RINT1: variants seen among roughly 807,000 people sequenced by gnomAD.
RINT1 encodes the protein RAD50 interactor 1.
Under a neutral mutation model 97.7 loss-of-function variants are expected in RINT1, and 75 were observed. The ratio of observed to expected loss-of-function variants is 0.77; its 90% CI spans 0.64 to 0.93. The LOEUF (loss-of-function observed/expected upper bound fraction) is 0.93. RINT1 is among the 40% of genes least tolerant of loss of function. The probability of loss-of-function intolerance (pLI) is 0.00; values close to 1 mark genes in which losing one functional copy is unlikely to be tolerated. For missense variants in RINT1, 892 were observed against 925.2 expected (o/e 0.96, Z 0.47); for synonymous variants, 303 against 326.3 (o/e 0.93, Z 0.77).
intron 3 of RINT1, among the ~76,000 whole-genome samples, chr7:105,539,179 A>AT (rs1790361563): frequency 6.6e-6 from 1 of 151,972 alleles, no homozygotes; most frequent in South Asian, 2.1e-4. Flanking sequence ...ATACTGATCC[A>AT]TTTTTTAGAG....
In RINT1 at chr7:105,536,695, A is replaced by G. The variant is rs987417898; in HGVS notation, c.219A>G (p.Lys73=). ...GAAATGACCTTAAATCTTTAAAGAA[A>G]CTTGATAAACTCATAGAACAGAGGA... The part of the protein sequence containing the change: ...EVGNDLKSLK[K]LDKLIEQRTV... Residue 73 remains lysine (K), a synonymous_variant, in exon 3 of 15, where the codon AAA becomes AAG. Transcript: ENST00000257700. 3 of 1,612,554 alleles carry G rather than the reference A, an allele frequency of 1.9e-6. No homozygotes were observed. The highest frequency in any genetic ancestry group is 2.7e-5 in the African/African-American group (2 of 74,890).
chr7:105,550,418 T>C lies in RINT1; in HGVS notation c.1265T>C (p.Phe422Ser), dbSNP rs367670078. The change falls in exon 9 of 15, where the codon TTT becomes TCT. Residue 422 changes from phenylalanine (F) to serine (S), a missense_variant. By Grantham distance (155) the Phe-to-Ser change is radical. Coordinates refer to ENST00000257700, the MANE Select transcript of RINT1 (RefSeq NM_021930.6). ...LHSVHGYPGT[F>S]ASCMHILSEE... ...AGTGTTCATGGCTATCCTGGCACTT[T>C]TGCTAGTTGTATGCATATTCTATCA... The C allele has an allele frequency of 7.4e-6, 12 of 1,614,088 alleles. No homozygotes were observed. The highest frequency in any genetic ancestry group is 1.0e-5 in the Non-Finnish European group (12 of 1,180,028).
intron 14 of RINT1, among the ~76,000 whole-genome samples, chr7:105,565,995 C>A (rs993512657): frequency 6.6e-6 from 1 of 152,112 alleles, no homozygotes; most frequent in Non-Finnish European, 1.5e-5. Flanking sequence ...CAGGGCCGGG[C>A]GTGGTGGCTC....
intron 2 of RINT1, chr7:105,535,614 G>A (rs1379028808): frequency 1.5e-5 from 7 of 453,962 alleles, no homozygotes; most frequent in Non-Finnish European, 3.1e-5. Context: ...ATGTAGTAGT[G>A]AGATCATGGC....
chr7:105,532,384 G>T lies in RINT1; in HGVS notation c.42+27G>T, dbSNP rs560694228. 9 of 1,594,340 alleles carry T rather than the reference G, an allele frequency of 5.6e-6. No individual in the cohort carries two copies. The African/African-American group carries it at 9.4e-5, about 17-fold the overall frequency. ...TGAGACGGCCCTGGCGTCCCTGGGAGGGGACATTGGTGGCCCATTGAGGTG... is the reference window on the plus strand; with the variant it reads ...TGAGACGGCCCTGGCGTCCCTGGGATGGGACATTGGTGGCCCATTGAGGTG... On this transcript the variant is annotated intron_variant, in intron 1 of 14. Transcript: ENST00000257700.
Position 105,567,222 on chromosome 7 carries a change from T to G in RINT1, c.2290T>G (p.Leu764Val). The part of the protein sequence containing the change: ...ASGQLPATAA[L>V]NEVGIYKLAQ... ...AGGGCAGCTTCCTGCCACAGCAGCA[T>G]TAAATGAAGTTGGAATTTACAAACT... Residue 764 changes from leucine (L) to valine (V), a missense_variant, in exon 15 of 15, where the codon TTA (leucine) becomes GTA (valine). Leu to Val is a conservative substitution (Grantham distance 32). Coordinates refer to ENST00000257700, the MANE Select transcript of RINT1 (RefSeq NM_021930.6). 2 of 1,613,542 alleles carry G rather than the reference T, an allele frequency of 1.2e-6. No homozygotes were observed. The highest frequency in any genetic ancestry group is 1.7e-6 in the Non-Finnish European group (2 of 1,179,818).
chr7:105,549,798 A>G (rs1790849517), intron 7 of RINT1, among the ~76,000 whole-genome samples: 1 of 152,178 alleles, frequency 6.6e-6, no homozygotes, highest in Non-Finnish European at 1.5e-5. Context: ...TAGGTTTTAA[A>G]TATATATGGC....
intron 2 of RINT1, among the ~76,000 whole-genome samples, chr7:105,536,271 G>T (rs796776494): frequency 1.2e-4 from 18 of 152,242 alleles, no homozygotes; most frequent in African/African-American, 4.3e-4. Flanking sequence ...GGATTCTCGT[G>T]CCTCAGCCTC....
intron 10 of RINT1, among the ~76,000 whole-genome samples, chr7:105,554,199 AT>A (rs1207595534): frequency 1.3e-5 from 2 of 151,598 alleles, no homozygotes; most frequent in African/African-American, 4.8e-5. Flanking sequence ...TGCCCGGCGA[AT>A]TTTTTTGTAT....
At chr7:105,556,241 T>A (rs1791177858) in intron 11 of RINT1, among the ~76,000 whole-genome samples, 1 of 151,826 alleles carries the variant, frequency 6.6e-6, no homozygotes, top group Admixed American at 6.6e-5. Flanking sequence ...TAATTTTTTT[T>A]TTAGTAGTAG....
Position 105,567,273 on chromosome 7 carries a change from C to G in RINT1, c.2341C>G (p.Leu781Val). 1 of 1,608,972 alleles carries G rather than the reference C, an allele frequency of 6.2e-7. No individual in the cohort carries two copies. The highest frequency in any genetic ancestry group is 8.5e-7 in the Non-Finnish European group (1 of 1,178,590). ...GGCTCAACAAGATGTTGAGATTCTACTTAATTTGAGGACAAATTGGCCTAA... is the reference window on the plus strand; with the variant it reads ...GGCTCAACAAGATGTTGAGATTCTAGTTAATTTGAGGACAAATTGGCCTAA... ...KLAQQDVEILLNLRTNWPNTG... is the reference protein window; with the variant it reads ...KLAQQDVEILVNLRTNWPNTG... Residue 781 changes from leucine (L) to valine (V), a missense_variant, in exon 15 of 15, where the codon CTT becomes GTT. By Grantham distance (32) the Leu-to-Val change is conservative. Transcript: ENST00000257700.
intron 4 of RINT1, among the ~76,000 whole-genome samples, chr7:105,545,141 TTTCA>T (rs1329488317): frequency 6.6e-6 from 1 of 152,110 alleles, no homozygotes; most frequent in Non-Finnish European, 1.5e-5. Flanking sequence ...AGGAAATCTA[TTTCA>T]TTCCTTCCTT....
intron 11 of RINT1, 35 bp from the exon 12 acceptor site, chr7:105,563,698 A>AG (rs1554367070): frequency 6.6e-7 from 1 of 1,512,198 alleles, no homozygotes; most frequent in South Asian, 1.1e-5. Flanking sequence ...TTAAAAAAAA[A>AG]GTATGCTAAT....
Position 105,567,369 on chromosome 7 carries a change from G to C in RINT1, c.*58G>C, listed in dbSNP as rs1252104534. 7 of 1,167,288 alleles carry C rather than the reference G, an allele frequency of 6.0e-6. No homozygotes were observed. The highest frequency in any genetic ancestry group is 8.7e-6 in the Non-Finnish European group (7 of 800,148). The allele number at this position is 1,167,288 out of a possible 1,614,324, so 72.3% of individuals were successfully genotyped here. On this transcript the variant is annotated 3_prime_UTR_variant, in exon 15 of 15. Coordinates refer to ENST00000257700, the MANE Select transcript of RINT1 (RefSeq NM_021930.6). ...TTTCTAAGAAAGAGGAAGCCAATTG[G>C]ATTTCAAGTTATATGATGAAATTCT...
At chr7:105,540,744 G>A (rs1174923784) in intron 3 of RINT1, among the ~76,000 whole-genome samples, 1 of 151,670 alleles carries the variant, frequency 6.6e-6, no homozygotes, top group African/African-American at 2.4e-5. Flanking sequence ...ATCTCATCAA[G>A]TCAGTGCTTC....
intron 1 of RINT1, 67 bp downstream of exon 1, chr7:105,532,424 G>A (rs1201166976): frequency 1.3e-6 from 2 of 1,518,782 alleles, no homozygotes; most frequent in African/African-American, 1.4e-5. Context: ...AGACCTCCCG[G>A]GGGAGATAGT....
chr7:105,540,838 C>CT (rs56336226), intron 3 of RINT1, among the ~76,000 whole-genome samples: 25,769 of 134,200 alleles, frequency 0.19, 2,783 homozygotes, highest in South Asian at 0.25. Flanking sequence ...TCTTTGTTTC[C>CT]TTTTTTTTTT....
At chr7:105,553,392 AT>A (rs1393773239) in intron 10 of RINT1, among the ~76,000 whole-genome samples, 2 of 149,370 alleles carry the variant, frequency 1.3e-5, no homozygotes, top group African/African-American at 2.5e-5. Context: ...TGCCTGGTTA[AT>A]TTTTTTTTGT....
chr7:105,548,862 C>T (rs1790800025), intron 7 of RINT1, 152 bp downstream of exon 7: 1 of 686,800 alleles, frequency 1.5e-6, no homozygotes, highest in South Asian at 2.0e-5. Flanking sequence ...GCTGTTCATA[C>T]ATATAATTGA....
Sources: allele counts gnomAD v4.1 joint callset (sites outside exome capture counted in the v4.1 genomes callset), GRCh38; gene constraint gnomAD v4.1.1; transcripts MANE v1.5; gene names NCBI Gene and HGNC (gene_info 2026-07-23, HGNC 2026-07-21).